CMTR1: variants seen among roughly 807,000 people sequenced by gnomAD.
CMTR1 encodes the protein cap methyltransferase 1, also known as cap-specific mRNA (nucleoside-2'-O-)-methyltransferase 1.
A neutral mutation model predicts 107.0 loss-of-function variants in CMTR1; 39 were observed. The ratio of observed to expected loss-of-function variants is 0.36; its 90% CI spans 0.28 to 0.48. CMTR1 has a LOEUF of 0.48. CMTR1 is among the 20% of genes least tolerant of loss of function. The probability of loss-of-function intolerance (pLI) is 0.99; values close to 1 mark genes in which losing one functional copy is unlikely to be tolerated. For missense variants in CMTR1, 672 were observed against 1,064.9 expected (o/e 0.63, Z 5.14); for synonymous variants, 366 against 379.5 (o/e 0.96, Z 0.41).
At chr6:37,446,829 T>C (rs925557152) in intron 4 of CMTR1, among the ~76,000 whole-genome samples, 1 of 152,224 alleles carries the variant, frequency 6.6e-6, no homozygotes, top group East Asian at 1.9e-4. Flanking sequence ...ACTCTCTCAC[T>C]GTGTGAGTAA....
intron 3 of CMTR1, among the ~76,000 whole-genome samples, chr6:37,445,830 C>CT (rs1771782719): frequency 6.6e-6 from 1 of 152,152 alleles, no homozygotes; most frequent in African/African-American, 2.4e-5. Context: ...TTTTTAATCT[C>CT]TTAAGTGGGC....
upstream of CMTR1, among the ~76,000 whole-genome samples, chr6:37,430,408 G>GTA (rs1330671093): frequency 5.1e-5 from 7 of 137,010 alleles, no homozygotes; most frequent in Admixed American, 8.1e-5. Context: ...ATGTGTGTGT[G>GTA]TGTATATATA....
rs766536490 is a variant in CMTR1 at position 37,444,144 on chromosome 6, G to A, written c.279G>A (p.Lys93=). Residue 93 remains lysine, a synonymous_variant, in exon 3 of 24, where the codon AAG becomes AAA. Coordinates refer to ENST00000373451, the MANE Select transcript of CMTR1 (RefSeq NM_015050.3). Reference sequence around the variant, plus strand: ...CCATGTATAATAGCGTCTCCCAGAAGCTTATGGTATGTCAGCGCTTGGGTT... The same window carrying A: ...CCATGTATAATAGCGTCTCCCAGAAACTTATGGTATGTCAGCGCTTGGGTT... The part of the protein sequence containing the change: ...RYSMYNSVSQ[K]LMAKMGFREG... 1 of 1,614,018 alleles carries A rather than the reference G, an allele frequency of 6.2e-7. No individual in the cohort carries two copies. The highest frequency in any genetic ancestry group is 2.2e-5 in the East Asian group (1 of 44,886).
chr6:37,457,504 T>C (rs1391542636), intron 8 of CMTR1, among the ~76,000 whole-genome samples: 1 of 152,096 alleles, frequency 6.6e-6, no homozygotes, highest in Non-Finnish European at 1.5e-5. Flanking sequence ...GTGTCTTGGA[T>C]TGGATCCCAA....
At chr6:37,453,022 C>T (rs746929738) in intron 6 of CMTR1, 25 bp from the exon 7 acceptor site, 3 of 1,610,638 alleles carry the variant, frequency 1.9e-6, no homozygotes, top group Non-Finnish European at 2.5e-6. Flanking sequence ...TGGAATTCAC[C>T]TTGAGGTTCT....
At chr6:37,453,427 T>C (rs932475637) in intron 8 of CMTR1, 115 bp downstream of exon 8, 4 of 1,014,638 alleles carry the variant, frequency 3.9e-6, no homozygotes, top group Admixed American at 1.9e-5. Flanking sequence ...GTGATGGAGA[T>C]ACTTTGCTTT....
At chr6:37,450,971 C>T (rs902169288) in intron 5 of CMTR1, among the ~76,000 whole-genome samples, 2 of 151,926 alleles carry the variant, frequency 1.3e-5, no homozygotes, top group Non-Finnish European at 1.5e-5. Flanking sequence ...AATGAAAAAG[C>T]AAAGAGGAAA....
chr6:37,479,229 C>T lies in CMTR1; in HGVS notation c.2349C>T (p.Leu783=), dbSNP rs1238589713. 1.9e-6 allele frequency: 3 copies of T among 1,613,438 alleles called. No individual in the cohort carries two copies. The highest frequency in any genetic ancestry group is 2.5e-6 in the Non-Finnish European group (3 of 1,179,334). The change falls in exon 23 of 24, where the codon CTC becomes CTT. Residue 783 remains leucine (L), a synonymous_variant. Transcript: ENST00000373451. Reference sequence around the variant, plus strand: ...AAACCAAGGACTCTACTTTTGACCTCCCTGCAGACTCCATTGCCCCATTTC... The same window carrying T: ...AAACCAAGGACTCTACTTTTGACCTTCCTGCAGACTCCATTGCCCCATTTC... ...NKKTKDSTFD[L]PADSIAPFHI...
At chr6:37,427,067 C>T in the CMTR1 span, among the ~76,000 whole-genome samples, 1 of 152,222 alleles carries the variant, frequency 6.6e-6, no homozygotes, top group African/African-American at 2.4e-5. The surrounding 1 kb of genome is among the most constrained non-coding windows in gnomAD (Gnocchi z 4.4). Context: ...TAAGCTGCTG[C>T]AGGAACATGT....
At position 37,481,454 on chromosome 6, in the gene CMTR1, G is replaced by A. The variant is rs1761856374; in HGVS notation, c.*1309G>A. ...ATGCTGTATTTCCACCCAATTCTGG[G>A]TATATCAGTGTGTCTTGCAGAATCT... On this transcript the variant is annotated 3_prime_UTR_variant, in exon 24 of 24. Coordinates refer to ENST00000373451, the MANE Select transcript of CMTR1 (RefSeq NM_015050.3). The A allele has an allele frequency of 1.7e-6, 2 of 1,154,012 alleles. No individual in the cohort carries two copies. The highest frequency in any genetic ancestry group is 1.6e-5 in the African/African-American group (1 of 61,738). The allele number at this position is 1,154,012 out of a possible 1,614,324, so 71.5% of individuals were successfully genotyped here. A position where few individuals can be genotyped will look rare whatever the true frequency, so the allele number is the denominator to read the frequency against.
intron 4 of CMTR1, 144 bp downstream of exon 4, chr6:37,446,593 A>C: frequency 2.2e-6 from 2 of 924,204 alleles, no homozygotes; most frequent in South Asian, 1.7e-5. Context: ...AGTACTGGGG[A>C]TATCCAGAAT....
In CMTR1 at chr6:37,459,625, C is replaced by T. The variant is rs372628932; in HGVS notation, c.1036C>T (p.Arg346Trp). 52 of 1,614,048 alleles carry T rather than the reference C, an allele frequency of 3.2e-5. No individual in the cohort carries two copies. The highest frequency in any genetic ancestry group is 6.7e-5 in the Admixed American group (4 of 59,992). Residue 346 changes from arginine to tryptophan, a missense_variant, in exon 10 of 24, where the codon CGG becomes TGG. Physicochemically the swap from Arg to Trp is moderately radical, Grantham distance 101. Around this residue, in one of 2 missense-constraint regions of CMTR1, gnomAD observed 583 missense variants for 968.4 expected, o/e 0.60. Transcript: ENST00000373451. ...CCGCCCAGAGAACATCTCTGCTTTTCGGAATTTTGTCCTGGATAACACAGA... is the reference window on the plus strand; with the variant it reads ...CCGCCCAGAGAACATCTCTGCTTTTTGGAATTTTGTCCTGGATAACACAGA... ...ITRPENISAF[R>W]NFVLDNTDRK...
upstream of CMTR1, among the ~76,000 whole-genome samples, chr6:37,432,996 C>G (rs1357160611): frequency 1.3e-5 from 2 of 152,260 alleles, no homozygotes; most frequent in Middle Eastern, 3.2e-3. Flanking sequence ...GCACCTAGCA[C>G]TTACAATTTT....
intron 3 of CMTR1, among the ~76,000 whole-genome samples, chr6:37,444,921 G>A (rs1470371664): frequency 3.9e-5 from 6 of 152,166 alleles, no homozygotes; most frequent in Non-Finnish European, 1.5e-5. Context: ...AGCTCCTCAG[G>A]AGGCTGAGTC....
At chr6:37,456,733 G>A (rs1213707702) in intron 8 of CMTR1, among the ~76,000 whole-genome samples, 1 of 152,188 alleles carries the variant, frequency 6.6e-6, no homozygotes, top group African/African-American at 2.4e-5. Context: ...GTCTTTTGCA[G>A]TTACTCACTT....
the CMTR1 span, among the ~76,000 whole-genome samples, chr6:37,424,677 T>C: frequency 6.6e-6 from 1 of 152,016 alleles, no homozygotes; most frequent in South Asian, 2.1e-4. Context: ...CTAATAATTG[T>C]TTTTTTTAAT....
chr6:37,429,443 T>G (rs377586785), upstream of CMTR1, among the ~76,000 whole-genome samples: 68 of 152,272 alleles, frequency 4.5e-4, no homozygotes, highest in African/African-American at 9.6e-4. Flanking sequence ...CAGAGATTAT[T>G]TGAGAAAAGA....
intron 2 of CMTR1, among the ~76,000 whole-genome samples, chr6:37,442,120 GCTCT>G (rs1327576654): frequency 6.6e-6 from 1 of 152,124 alleles, no homozygotes; most frequent in Non-Finnish European, 1.5e-5. Flanking sequence ...AGATTTTTAA[GCTCT>G]CTAAGGGTTG....
At chr6:37,474,186 T>C (rs1031085280) in intron 17 of CMTR1, among the ~76,000 whole-genome samples, 1 of 152,158 alleles carries the variant, frequency 6.6e-6, no homozygotes, top group African/African-American at 2.4e-5. Context: ...ACTCTCTCCT[T>C]CTCTGCTCTC....
Sources: gnomAD v4.1 joint callset for allele counts (sites outside exome capture counted in the v4.1 genomes callset) on GRCh38, gnomAD v4.1.1 for gene constraint, gnomAD v4.1.1 regional missense constraint, Gnocchi (gnomAD v3.1) non-coding constraint, MANE v1.5 for transcripts, NCBI Gene and HGNC (gene_info 2026-07-23, HGNC 2026-07-21) for gene names.